Variants in PRR5L observed in about 807,000 individuals in gnomAD.
The protein encoded by PRR5L is proline-rich protein 5-like.
PRR5L carries 21 observed loss-of-function variants against 36.4 expected under a neutral mutation model. The observed-to-expected ratio is 0.58, with a 90% confidence interval of 0.41 to 0.83. The LOEUF (loss-of-function observed/expected upper bound fraction) is 0.83. Among genes scored for constraint, PRR5L ranks in the 40% least tolerant of loss-of-function variants. The pLI is 0.00. For synonymous variants in PRR5L, 188 were observed against 197.0 expected (o/e 0.95, Z 0.38); for missense variants, 381 against 473.3 (o/e 0.80, Z 1.81).
intron 8 of PRR5L, among the ~76,000 whole-genome samples, chr11:36,461,262 T>G (rs1859172058): frequency 6.6e-6 from 1 of 152,148 alleles, no homozygotes; most frequent in Admixed American, 6.5e-5. Context: ...GGTTCAGTTT[T>G]GGGGGGGATT....
intron 1 of PRR5L, chr11:36,388,185 T>G (rs1038928168): frequency 6.6e-6 from 1 of 152,258 alleles, no homozygotes; most frequent in Admixed American, 6.5e-5. Context: ...CCAGTGTTTA[T>G]TTGCTAGCCC....
Position 36,307,991 on chromosome 11 carries a change from C to T in PRR5L, c.-126+11553C>T, listed in dbSNP as rs189312998. ...TATGTCTCACTGGCCCAATCTAGGT[C>T]ACTTACCTACTTGGGAACCAATCAT... On this transcript the variant is annotated intron_variant, in intron 1 of 8. Transcript: ENST00000530639. Among the ~76,000 whole-genome samples the T allele has an allele frequency of 5.7e-3, 861 of 152,272 alleles. 11 individuals carry two copies. The highest frequency in any genetic ancestry group is 0.019 in the African/African-American group (784 of 41,564).
Position 36,391,974 on chromosome 11 carries a change from C to G in PRR5L, c.-125-9023C>G, listed in dbSNP as rs605361. ...CCCCCCTTCCTCCCACCACAACTAC[C>G]CCTTCCAAGTCTCTAGTAACCATCA... On this transcript the variant is annotated intron_variant, in intron 1 of 8. Coordinates refer to ENST00000530639, the MANE Select transcript of PRR5L (RefSeq NM_001160167.2). Among the ~76,000 whole-genome samples the G allele has an allele frequency of 4.2e-3, 642 of 152,280 alleles. 4 individuals are homozygous for G. Among genetic ancestry groups the G allele is most frequent in the African/African-American group, 0.014 (570 of 41,550 alleles).
chr11:36,439,335 T>G (rs919044), intron 6 of PRR5L, among the ~76,000 whole-genome samples: 46,300 of 151,676 alleles, frequency 0.31, 7,389 homozygotes, highest in East Asian at 0.46. Flanking sequence ...GGGCAAAGGT[T>G]GGGGAGGGGG....
chr11:36,352,846 G>A (rs937933936), intron 1 of PRR5L, among the ~76,000 whole-genome samples: 1 of 152,188 alleles, frequency 6.6e-6, no homozygotes, highest in Admixed American at 6.5e-5. Flanking sequence ...ACAGAGAGAG[G>A]GAATATGGTG....
intron 4 of PRR5L, among the ~76,000 whole-genome samples, chr11:36,428,142 C>T (rs1858420709): frequency 6.6e-6 from 1 of 152,182 alleles, no homozygotes; most frequent in Non-Finnish European, 1.5e-5. Flanking sequence ...ATGACTCTGT[C>T]AGCACCTTGG....
At chr11:36,376,079 C>T (rs554123633) in intron 1 of PRR5L, 3 of 1,138,950 alleles carry the variant, frequency 2.6e-6, no homozygotes, top group Non-Finnish European at 3.6e-6. Flanking sequence ...ACGGAGCTCC[C>T]TTGACCTGCT....
chr11:36,396,087 A>G (rs1857654252), intron 1 of PRR5L: 1 of 152,218 alleles, frequency 6.6e-6, no homozygotes, highest in Admixed American at 6.5e-5. Context: ...AGTATGTTTC[A>G]TAATGAAAAT....
At chr11:36,336,522 G>T (rs1019360949) in intron 1 of PRR5L, among the ~76,000 whole-genome samples, 8 of 141,130 alleles carry the variant, frequency 5.7e-5, no homozygotes, top group Non-Finnish European at 1.2e-4. Flanking sequence ...GAACCACCGC[G>T]CCTGGCCTTT....
At chr11:36,383,455 A>G (rs933191765) in intron 1 of PRR5L, among the ~76,000 whole-genome samples, 2 of 152,134 alleles carry the variant, frequency 1.3e-5, no homozygotes, top group Non-Finnish European at 2.9e-5. Flanking sequence ...CTTGCATTGT[A>G]TTTTGGGGAA....
At chr11:36,449,777 G>A (rs905732523) in intron 7 of PRR5L, among the ~76,000 whole-genome samples, 8 of 152,230 alleles carry the variant, frequency 5.3e-5, no homozygotes, top group Non-Finnish European at 7.3e-5. Flanking sequence ...GCCAAGGGCT[G>A]AGGACAGCAC....
At chr11:36,351,806 T>C (rs1856978539) in intron 1 of PRR5L, among the ~76,000 whole-genome samples, 1 of 139,718 alleles carries the variant, frequency 7.2e-6, no homozygotes, top group South Asian at 2.1e-4. Flanking sequence ...ATACCACAAT[T>C]TCTTTATCTA....
At chr11:36,402,347 G>A (rs531227821) in intron 2 of PRR5L, among the ~76,000 whole-genome samples, 3 of 152,238 alleles carry the variant, frequency 2.0e-5, no homozygotes, top group Non-Finnish European at 4.4e-5. Flanking sequence ...AGGTTCAAGC[G>A]ATTCTCCTGC....
intron 1 of PRR5L, among the ~76,000 whole-genome samples, chr11:36,351,313 TATATTTATAA>T (rs1856944381): frequency 2.6e-5 from 2 of 76,174 alleles, no homozygotes; most frequent in African/African-American, 1.0e-4. Context: ...TATATTTATA[TATATTTATAA>T]ATATTTATAT....
At chr11:36,423,930 CT>C (rs1219428882) in intron 4 of PRR5L, among the ~76,000 whole-genome samples, 3 of 152,190 alleles carry the variant, frequency 2.0e-5, no homozygotes. Context: ...AGAAGCACCC[CT>C]GGGTGTCTTG....
intron 1 of PRR5L, among the ~76,000 whole-genome samples, chr11:36,346,772 T>C (rs949520564): frequency 1.3e-5 from 2 of 152,072 alleles, no homozygotes; most frequent in South Asian, 4.1e-4. Context: ...GAGACCACAA[T>C]GTTTACTTAA....
chr11:36,454,474 G>A (rs147470712), intron 8 of PRR5L, among the ~76,000 whole-genome samples: 1 of 152,272 alleles, frequency 6.6e-6, no homozygotes, highest in African/African-American at 2.4e-5. Context: ...GTTGGGTTGG[G>A]GGTGATAAAC....
intron 3 of PRR5L, among the ~76,000 whole-genome samples, chr11:36,413,676 A>G (rs968531149): frequency 1.8e-4 from 27 of 149,838 alleles, no homozygotes; most frequent in Middle Eastern, 3.4e-3. Flanking sequence ...ATGATACTGT[A>G]TACTTTATTT....
At chr11:36,364,940 G>A (rs1043529019) in intron 1 of PRR5L, among the ~76,000 whole-genome samples, 6 of 152,160 alleles carry the variant, frequency 3.9e-5, no homozygotes, top group African/African-American at 2.4e-5. Context: ...TGGCTGCTCA[G>A]TGGAGGAGGC....
Sources: allele counts gnomAD v4.1 joint callset (sites outside exome capture counted in the v4.1 genomes callset), GRCh38; gene constraint gnomAD v4.1.1; transcripts MANE v1.5; gene names NCBI Gene and HGNC (gene_info 2026-07-23, HGNC 2026-07-21).